IQSEC1: variants seen among roughly 807,000 people sequenced by gnomAD.
IQSEC1 encodes the protein IQ motif and Sec7 domain ArfGEF 1, also known as IQ motif and SEC7 domain-containing protein 1.
Under a neutral mutation model 91.0 loss-of-function variants are expected in IQSEC1, and 31 were observed. The ratio of observed to expected loss-of-function variants is 0.34; its 90% CI spans 0.26 to 0.46. IQSEC1 has a LOEUF of 0.46. Among genes scored for constraint, IQSEC1 ranks in the 20% least tolerant of loss-of-function variants. The pLI, the probability that IQSEC1 is intolerant of heterozygous loss-of-function variation, is 1.00. For missense variants in IQSEC1, 1,388 were observed against 1,575.6 expected (o/e 0.88, Z 2.02); for synonymous variants, 699 against 662.6 (o/e 1.05, Z -0.84).
chr3:13,183,170 TAAATAAACAAAC>T (rs1160228913), intron 1 of IQSEC1, among the ~76,000 whole-genome samples: 5 of 132,612 alleles, frequency 3.8e-5, no homozygotes, highest in South Asian at 4.8e-4. Context: ...TCCCCACCAA[TAAATAAACAAAC>T]AAACAAACAA....
At chr3:13,120,692 C>T (rs1363935872) in intron 2 of IQSEC1, among the ~76,000 whole-genome samples, 5 of 152,174 alleles carry the variant, frequency 3.3e-5, no homozygotes, top group Admixed American at 2.6e-4. Context: ...GGCCGAGCAA[C>T]GACGGGCTGG....
intron 1 of IQSEC1, among the ~76,000 whole-genome samples, chr3:12,990,568 T>C (rs1701940117): frequency 6.6e-6 from 1 of 152,198 alleles, no homozygotes; most frequent in African/African-American, 2.4e-5. Flanking sequence ...CTCCCACAGC[T>C]GGCTTTCTAT....
At position 12,908,017 on chromosome 3, in the gene IQSEC1, A is replaced by G. The variant is rs546539399; in HGVS notation, c.2755+332T>C. On this transcript the variant is annotated intron_variant, in intron 12 of 13. Coordinates refer to ENST00000613206, the MANE Select transcript of IQSEC1 (RefSeq NM_001134382.3). This position sits in a 1 kb window ranked among gnomAD's most constrained non-coding sequence, Gnocchi z 4.9. Reference sequence around the variant, plus strand: ...CGGCCGCACAGAGAGCACGGGACACAGCCGCCGGCTCACTCGGGCTAGAGC... The same window carrying G: ...CGGCCGCACAGAGAGCACGGGACACGGCCGCCGGCTCACTCGGGCTAGAGC... 6.6e-6 allele frequency among the ~76,000 whole-genome samples: 1 copy of G among 152,332 alleles called. No individual in the cohort carries two copies. The highest frequency in any genetic ancestry group is 1.9e-4 in the East Asian group (1 of 5,182).
intron 1 of IQSEC1, among the ~76,000 whole-genome samples, chr3:13,179,379 T>C (rs570348216): frequency 7.0e-4 from 106 of 152,142 alleles, no homozygotes; most frequent in Non-Finnish European, 9.0e-4. Flanking sequence ...AAGATGAGAA[T>C]TACAGCAGAT....
At chr3:12,955,162 T>C (rs1699821497) in intron 1 of IQSEC1, among the ~76,000 whole-genome samples, 2 of 152,240 alleles carry the variant, frequency 1.3e-5, no homozygotes, top group Non-Finnish European at 2.9e-5. Context: ...TTCTCCACCG[T>C]ACAGACACAT....
At chr3:13,137,003 G>A (rs1382966510) in intron 2 of IQSEC1, among the ~76,000 whole-genome samples, 1 of 152,174 alleles carries the variant, frequency 6.6e-6, no homozygotes, top group African/African-American at 2.4e-5. Context: ...TGGACATAGT[G>A]GCACATGCCT....
At chr3:12,950,684 C>T (rs1699484190) in intron 1 of IQSEC1, among the ~76,000 whole-genome samples, 1 of 151,792 alleles carries the variant, frequency 6.6e-6, no homozygotes, top group South Asian at 2.1e-4. Flanking sequence ...ACTCTGTTGC[C>T]CAGGCTGGAG....
At chr3:12,944,713 G>A (rs1176414619) in intron 1 of IQSEC1, among the ~76,000 whole-genome samples, 1 of 152,232 alleles carries the variant, frequency 6.6e-6, no homozygotes, top group East Asian at 1.9e-4. Flanking sequence ...CCTAAGAGGA[G>A]GATTCAAAAC....
chr3:12,903,560 G>A (rs1177585276), intron 12 of IQSEC1, among the ~76,000 whole-genome samples: 3 of 152,230 alleles, frequency 2.0e-5, no homozygotes, highest in Non-Finnish European at 2.9e-5. Flanking sequence ...ACGCCCCAGC[G>A]CAGAGCACAC....
chr3:13,227,113 C>T (rs1263502568), intron 1 of IQSEC1, among the ~76,000 whole-genome samples: 23 of 151,810 alleles, frequency 1.5e-4, no homozygotes, highest in African/African-American at 3.4e-4. Flanking sequence ...TGGTGGCTCA[C>T]GCCTGTAATC....
rs1695805969 is a variant in IQSEC1 at position 13,282,222 on chromosome 3, G to A, written c.272+489C>T. 1.3e-5 allele frequency among the ~76,000 whole-genome samples: 2 copies of A among 152,208 alleles called. No homozygotes were observed. The highest frequency in any genetic ancestry group is 4.8e-5 in the African/African-American group (2 of 41,456). On this transcript the variant is annotated intron_variant, in intron 1 of 15. Coordinates refer to the IQSEC1 transcript ENST00000648114. This position sits in a 1 kb window ranked among gnomAD's most constrained non-coding sequence, Gnocchi z 6.4. ...CTGCGCGTCCCGGACTGGACACAGC[G>A]CAGAGTCCATTCCAGGGACACCGCA...
chr3:12,928,211 C>T (rs1182770616), intron 3 of IQSEC1, among the ~76,000 whole-genome samples: 1 of 142,546 alleles, frequency 7.0e-6, no homozygotes, highest in African/African-American at 2.7e-5. Flanking sequence ...TCAATATTTG[C>T]TGATGGATCT....
chr3:13,187,793 C>T (rs1303279725), intron 1 of IQSEC1, among the ~76,000 whole-genome samples: 5 of 152,180 alleles, frequency 3.3e-5, no homozygotes, highest in East Asian at 1.9e-4. Flanking sequence ...ATCAAGGTGC[C>T]GCAGGCTCGG....
At chr3:12,937,997 G>C (rs867977682) in intron 2 of IQSEC1, among the ~76,000 whole-genome samples, 2 of 152,158 alleles carry the variant, frequency 1.3e-5, no homozygotes, top group African/African-American at 2.4e-5. Flanking sequence ...CAGACCTCCC[G>C]AATTCCTGAG....
upstream of IQSEC1, among the ~76,000 whole-genome samples, chr3:13,076,662 C>T (rs1360399737): frequency 6.6e-6 from 1 of 152,270 alleles, no homozygotes; most frequent in East Asian, 1.9e-4. Context: ...CCCGCTGCTC[C>T]GTTCCAACTG....
chr3:12,982,490 T>C (rs1016816546), intron 1 of IQSEC1, among the ~76,000 whole-genome samples: 58 of 152,222 alleles, frequency 3.8e-4, no homozygotes, highest in African/African-American at 1.3e-3. Context: ...CAGCTGCTTG[T>C]TGTTATTTAA....
At chr3:13,145,489 C>T (rs887023700) in intron 2 of IQSEC1, among the ~76,000 whole-genome samples, 19 of 152,178 alleles carry the variant, frequency 1.2e-4, no homozygotes, top group African/African-American at 4.6e-4. Context: ...AAGACAATCC[C>T]TCACAGAAGC....
chr3:13,185,284 C>T (rs572955352), intron 1 of IQSEC1, among the ~76,000 whole-genome samples: 72 of 152,300 alleles, frequency 4.7e-4, no homozygotes, highest in Non-Finnish European at 8.4e-4. Context: ...CCCACTATTC[C>T]GTCAGGTCTC....
intron 1 of IQSEC1, among the ~76,000 whole-genome samples, chr3:13,068,764 T>C (rs1331263574): frequency 6.6e-6 from 1 of 152,182 alleles, no homozygotes; most frequent in Non-Finnish European, 1.5e-5. Context: ...TCCTGGATAG[T>C]TCCTCCTAAT....
Sources: allele counts gnomAD v4.1 joint callset (sites outside exome capture counted in the v4.1 genomes callset), GRCh38; gene constraint gnomAD v4.1.1; non-coding constraint Gnocchi (gnomAD v3.1); transcripts MANE v1.5; gene names NCBI Gene and HGNC (gene_info 2026-07-23, HGNC 2026-07-21).